The following RAB11FIP4 variants were observed in gnomAD, a reference collection of about 807,000 sequenced individuals.
RAB11FIP4 encodes the protein RAB11 family interacting protein 4.
In RAB11FIP4, 23 loss-of-function variants were observed where a neutral mutation model predicts 74.3. That is an observed-to-expected ratio of 0.31 (90% CI 0.22 to 0.44). The LOEUF is 0.44. RAB11FIP4 is among the 20% of genes least tolerant of loss of function. The probability of loss-of-function intolerance (pLI) is 1.00; values close to 1 mark genes in which losing one functional copy is unlikely to be tolerated. For missense variants in RAB11FIP4, 630 were observed against 863.9 expected, an observed-to-expected ratio of 0.73 and a Z score of 3.39; for synonymous variants, 360 against 359.9, an observed-to-expected ratio of 1.00 and a Z score of 0.00.
At chr17:31,401,680 C>T (rs895592796) in intron 1 of RAB11FIP4, among the ~76,000 whole-genome samples, 6 of 152,232 alleles carry the variant, frequency 3.9e-5, no homozygotes, top group African/African-American at 1.4e-4. Flanking sequence ...CTGCAGTGGG[C>T]ACTGTCCCCA....
intron 3 of RAB11FIP4, among the ~76,000 whole-genome samples, chr17:31,485,751 C>T (rs924442967): frequency 1.3e-5 from 2 of 152,170 alleles, no homozygotes; most frequent in Non-Finnish European, 2.9e-5. Flanking sequence ...AGTGTAGTCA[C>T]TGTGCTAGGG....
intron 1 of RAB11FIP4, among the ~76,000 whole-genome samples, chr17:31,403,463 C>T (rs1469776473): frequency 2.0e-5 from 3 of 152,038 alleles, no homozygotes; most frequent in South Asian, 2.1e-4. Flanking sequence ...GCTGGGACTA[C>T]AGGAGTGCAC....
intron 1 of RAB11FIP4, among the ~76,000 whole-genome samples, chr17:31,420,903 A>T (rs989687337): frequency 6.6e-6 from 1 of 151,984 alleles, no homozygotes; most frequent in Non-Finnish European, 1.5e-5. Context: ...GACCCATATG[A>T]AGAAACCCCA....
intron 3 of RAB11FIP4, among the ~76,000 whole-genome samples, chr17:31,504,709 A>G (rs1225496749): frequency 6.6e-6 from 1 of 152,158 alleles, no homozygotes; most frequent in East Asian, 1.9e-4. Context: ...TAATTCCCTA[A>G]TATCACCCAA....
intron 3 of RAB11FIP4, among the ~76,000 whole-genome samples, chr17:31,482,977 G>A (rs112560778): frequency 0.04 from 6,149 of 151,928 alleles, 345 homozygotes; most frequent in African/African-American, 0.13. Flanking sequence ...GGCGGATCAC[G>A]GGATCAGGAG....
intron 3 of RAB11FIP4, among the ~76,000 whole-genome samples, chr17:31,455,086 G>A (rs2071566542): frequency 6.6e-6 from 1 of 152,156 alleles, no homozygotes. Context: ...ATAAAATTGA[G>A]CAAAGACAGA....
chr17:31,405,746 T>C (rs1245804713), intron 1 of RAB11FIP4, among the ~76,000 whole-genome samples: 1 of 152,234 alleles, frequency 6.6e-6, no homozygotes, highest in Non-Finnish European at 1.5e-5. Flanking sequence ...TAGTTTTCTT[T>C]ATACTTAGTT....
chr17:31,529,027 T>C (rs1171856851), intron 13 of RAB11FIP4, among the ~76,000 whole-genome samples: 1 of 151,792 alleles, frequency 6.6e-6, no homozygotes, highest in African/African-American at 2.4e-5. Context: ...GATGAGACCA[T>C]ACCCAGCTGC....
intron 3 of RAB11FIP4, among the ~76,000 whole-genome samples, chr17:31,472,998 A>G (rs2071755214): frequency 1.3e-5 from 2 of 151,050 alleles, no homozygotes; most frequent in African/African-American, 4.9e-5. Flanking sequence ...ATGCCACTAC[A>G]CTCCAGCCTG....
intron 9 of RAB11FIP4, 72 bp from the exon 10 acceptor site, chr17:31,525,018 C>G: frequency 6.5e-7 from 1 of 1,531,070 alleles, no homozygotes; most frequent in Non-Finnish European, 8.8e-7. Flanking sequence ...GGCCCAGGGT[C>G]CCCCGTGCCA....
chr17:31,485,464 G>A (rs149187377), intron 3 of RAB11FIP4, among the ~76,000 whole-genome samples: 7 of 152,330 alleles, frequency 4.6e-5, no homozygotes, highest in African/African-American at 7.2e-5. Flanking sequence ...CACGACCAGA[G>A]AAGGGATGAT....
At chr17:31,500,314 C>T (rs1597959358) in intron 3 of RAB11FIP4, among the ~76,000 whole-genome samples, 2 of 152,220 alleles carry the variant, frequency 1.3e-5, no homozygotes, top group African/African-American at 4.8e-5. Flanking sequence ...GGCCAGCTGG[C>T]GTCCCTCTGA....
intron 3 of RAB11FIP4, among the ~76,000 whole-genome samples, chr17:31,477,286 C>T (rs569380339): frequency 2.0e-5 from 3 of 152,330 alleles, no homozygotes; most frequent in Admixed American, 2.0e-4. Flanking sequence ...ATGGCTGCCA[C>T]CTGGAGTGTT....
chr17:31,504,364 C>G (rs986396548), intron 3 of RAB11FIP4, among the ~76,000 whole-genome samples: 2 of 152,060 alleles, frequency 1.3e-5, no homozygotes, highest in Admixed American at 1.3e-4. Context: ...AACTCCTGAC[C>G]TCATGATCCG....
At chr17:31,476,387 G>A (rs897169546) in intron 3 of RAB11FIP4, among the ~76,000 whole-genome samples, 2 of 152,050 alleles carry the variant, frequency 1.3e-5, no homozygotes, top group Non-Finnish European at 2.9e-5. Context: ...ATTTCACCAT[G>A]TTGGCCAGGC....
intron 3 of RAB11FIP4, among the ~76,000 whole-genome samples, chr17:31,466,150 T>C (rs573792322): frequency 1.7e-4 from 26 of 151,052 alleles, no homozygotes; most frequent in African/African-American, 6.1e-4. Context: ...TCTCAGAAAA[T>C]AAAAAAAGAA....
intron 3 of RAB11FIP4, among the ~76,000 whole-genome samples, chr17:31,488,668 G>A (rs1347864238): frequency 2.6e-5 from 4 of 152,226 alleles, no homozygotes; most frequent in African/African-American, 7.2e-5. Context: ...GCTCTTGGCG[G>A]CTGCACAGAG....
Position 31,524,016 on chromosome 17 carries a change from T to C in RAB11FIP4, c.1133+20T>C. 6.3e-7 allele frequency: 1 copy of C among 1,578,676 alleles called. No individual in the cohort carries two copies. The highest frequency in any genetic ancestry group is 1.3e-5 in the African/African-American group (1 of 74,388). On this transcript the variant is annotated intron_variant, in intron 9 of 14. Coordinates refer to ENST00000621161, the MANE Select transcript of RAB11FIP4 (RefSeq NM_032932.6). Reference sequence around the variant, plus strand: ...GCACAGGTCAAGCAGGCAGCGGCGCTGGGGGCTCGGCCGTGACGCTGGGGA... The same window carrying C: ...GCACAGGTCAAGCAGGCAGCGGCGCCGGGGGCTCGGCCGTGACGCTGGGGA...
chr17:31,487,653 G>A (rs1032196168), intron 3 of RAB11FIP4, among the ~76,000 whole-genome samples: 1 of 151,946 alleles, frequency 6.6e-6, no homozygotes, highest in Non-Finnish European at 1.5e-5. Context: ...GGCGGGGTGC[G>A]CAGTGTGAGC....
Sources: allele counts gnomAD v4.1 joint callset (sites outside exome capture counted in the v4.1 genomes callset), GRCh38; gene constraint gnomAD v4.1.1; transcripts MANE v1.5; gene names NCBI Gene and HGNC (gene_info 2026-07-23, HGNC 2026-07-21).